Variants in SOX5 observed in about 807,000 individuals in gnomAD.
SOX5 encodes the protein SRY-box transcription factor 5.
SOX5 carries 9 observed loss-of-function variants against 92.0 expected under a neutral mutation model. The ratio of observed to expected loss-of-function variants is 0.10; its 90% CI spans 0.06 to 0.17. The LOEUF is 0.17. Ranked by LOEUF, SOX5 falls within the 10% of genes least tolerant of loss-of-function variation. SOX5 has a pLI of 1.00. For synonymous variants in SOX5, 344 were observed against 336.3 expected (o/e 1.02, Z -0.25); for missense variants, 642 against 944.5 (o/e 0.68, Z 4.20).
At chr12:23,753,133 T>A (rs2094233893) in intron 4 of SOX5, among the ~76,000 whole-genome samples, 1 of 151,830 alleles carries the variant, frequency 6.6e-6, no homozygotes, top group African/African-American at 2.4e-5. Context: ...TCAAATGCTA[T>A]TCATTTTTCC....
chr12:23,708,281 T>G (rs1393120629), intron 6 of SOX5, among the ~76,000 whole-genome samples: 2 of 148,322 alleles, frequency 1.3e-5, no homozygotes, highest in Non-Finnish European at 1.5e-5. Context: ...TGGAGAGAGG[T>G]AGTAGAGAAT....
At chr12:23,925,492 G>C (rs1206627053) in intron 1 of SOX5, among the ~76,000 whole-genome samples, 2 of 152,006 alleles carry the variant, frequency 1.3e-5, no homozygotes, top group Non-Finnish European at 2.9e-5. Context: ...ATAGGTGCCA[G>C]AAAAAGTATT....
At chr12:24,043,973 T>C (rs1186993545) in intron 4 of SOX5, among the ~76,000 whole-genome samples, 1 of 152,180 alleles carries the variant, frequency 6.6e-6, no homozygotes, top group African/African-American at 2.4e-5. Flanking sequence ...GTAAGGATTA[T>C]ATTGAATAAG....
chr12:23,839,040 G>T (rs955945804), intron 3 of SOX5, among the ~76,000 whole-genome samples: 5 of 151,426 alleles, frequency 3.3e-5, no homozygotes, highest in Non-Finnish European at 7.4e-5. Context: ...GTAGAGACAG[G>T]GTTTTACCAT....
chr12:23,996,212 C>T (rs754053407), intron 4 of SOX5, among the ~76,000 whole-genome samples: 1 of 152,070 alleles, frequency 6.6e-6, no homozygotes, highest in Non-Finnish European at 1.5e-5. Flanking sequence ...TTACATGATT[C>T]TAGCTTAAAA....
At chr12:24,376,260 T>C (rs1195165108) in intron 1 of SOX5, among the ~76,000 whole-genome samples, 1 of 152,222 alleles carries the variant, frequency 6.6e-6, no homozygotes, top group Non-Finnish European at 1.5e-5. Context: ...GTAGCAGTGT[T>C]GCATTGGAAC....
At chr12:24,341,997 C>G (rs1952632040) in intron 2 of SOX5, among the ~76,000 whole-genome samples, 1 of 152,210 alleles carries the variant, frequency 6.6e-6, no homozygotes, top group African/African-American at 2.4e-5. Context: ...ATAAAACTAT[C>G]TGACATAAGA....
rs940928284 is a variant in SOX5 at position 24,244,421 on chromosome 12, T to G, written c.-76-31004A>C. Among the ~76,000 whole-genome samples, 3 of 152,192 alleles carry G rather than the reference T, an allele frequency of 2.0e-5. No individual in the cohort carries two copies. In the East Asian group the frequency reaches 5.8e-4, roughly 29 times the overall value. On this transcript the variant is annotated intron_variant, in intron 3 of 4. Transcript: ENST00000446891. ...AGCCCCTCCTACTGACTGTGCTGCA[T>G]ATGTCCCCCCAGGGCCTATGCACCA... is the stretch of plus-strand genomic sequence containing the variant.
At chr12:23,876,858 G>C (rs1202570559) in intron 2 of SOX5, among the ~76,000 whole-genome samples, 1 of 152,146 alleles carries the variant, frequency 6.6e-6, no homozygotes, top group Non-Finnish European at 1.5e-5. Context: ...AATGGATGAA[G>C]CTGGAAACCA....
chr12:23,584,445 C>T, intron 9 of SOX5: 1 of 916,738 alleles, frequency 1.1e-6, no homozygotes, highest in Non-Finnish European at 1.8e-6. Context: ...AGATAACAAC[C>T]TGGCAGAGTG....
At chr12:23,580,216 G>A (rs190020577) in intron 9 of SOX5, among the ~76,000 whole-genome samples, 29 of 152,048 alleles carry the variant, frequency 1.9e-4, no homozygotes, top group African/African-American at 6.7e-4. Flanking sequence ...AAGTTCTAAT[G>A]AAACCCAGGT....
chr12:24,112,527 T>TC (rs1947483490), intron 4 of SOX5, among the ~76,000 whole-genome samples: 1 of 126,752 alleles, frequency 7.9e-6, no homozygotes, highest in Non-Finnish European at 1.7e-5. Flanking sequence ...GTTCCTTTTT[T>TC]TTTTTTTTTT....
At chr12:24,133,304 T>A (rs1949822036) in intron 4 of SOX5, among the ~76,000 whole-genome samples, 1 of 152,196 alleles carries the variant, frequency 6.6e-6, no homozygotes, top group Middle Eastern at 3.2e-3. Context: ...TTTCCTTTCA[T>A]CCAGGGTAAT....
intron 1 of SOX5, among the ~76,000 whole-genome samples, chr12:24,450,949 C>G (rs774252303): frequency 2.0e-5 from 3 of 152,118 alleles, no homozygotes; most frequent in Non-Finnish European, 2.9e-5. Flanking sequence ...TCCCCTACCC[C>G]CTCACTACCC....
intron 4 of SOX5, among the ~76,000 whole-genome samples, chr12:23,964,997 G>A (rs955560773): frequency 6.6e-6 from 1 of 151,968 alleles, no homozygotes; most frequent in African/African-American, 2.4e-5. Context: ...TAGCGCACAG[G>A]GGCGCGTGGT....
intron 1 of SOX5, among the ~76,000 whole-genome samples, chr12:24,541,861 A>G (rs1194671510): frequency 6.6e-6 from 1 of 152,158 alleles, no homozygotes; most frequent in Admixed American, 6.5e-5. Flanking sequence ...ACTACGATAA[A>G]TTTAGGCTCT....
chr12:23,736,394 G>A (rs562787339), intron 5 of SOX5, among the ~76,000 whole-genome samples: 1 of 152,132 alleles, frequency 6.6e-6, no homozygotes, highest in East Asian at 1.9e-4. Context: ...CCTGGGAAGT[G>A]GAGCTTGCAG....
chr12:23,688,237 C>G (rs1235275369), intron 6 of SOX5, among the ~76,000 whole-genome samples: 1 of 152,042 alleles, frequency 6.6e-6, no homozygotes, highest in Admixed American at 6.6e-5. Flanking sequence ...TTAGTCACCT[C>G]TAATACCGAG....
intron 2 of SOX5, among the ~76,000 whole-genome samples, chr12:24,355,090 C>T (rs548371138): frequency 4.6e-5 from 7 of 152,138 alleles, no homozygotes; most frequent in African/African-American, 1.7e-4. Flanking sequence ...AGTTGACAAA[C>T]TTTGTCCCCC....
Sources: allele counts gnomAD v4.1 joint callset (sites outside exome capture counted in the v4.1 genomes callset), GRCh38; gene constraint gnomAD v4.1.1; transcripts MANE v1.5; gene names NCBI Gene and HGNC (gene_info 2026-07-23, HGNC 2026-07-21).